The following PRUNE2 variants were observed in gnomAD, a reference collection of about 807,000 sequenced individuals.
The protein encoded by PRUNE2 is protein prune homolog 2.
Under a neutral mutation model 252.0 loss-of-function variants are expected in PRUNE2, and 164 were observed. The ratio of observed to expected loss-of-function variants is 0.65; its 90% CI spans 0.57 to 0.74. The LOEUF (loss-of-function observed/expected upper bound fraction) is 0.74. Ranked by LOEUF, PRUNE2 falls within the 30% of genes least tolerant of loss-of-function variation. PRUNE2 has a pLI of 0.00. For synonymous variants in PRUNE2, 1,292 were observed against 1,350.2 expected (o/e 0.96, Z 0.94); for missense variants, 3,495 against 3,711.0 (o/e 0.94, Z 1.51).
At position 76,898,469 on chromosome 9, in the gene PRUNE2, C is replaced by G. The variant is rs2062977566; in HGVS notation, c.36+7459G>C. ...CTATATTCTCCATTACTACAAAAAGCTAATTCTCAAATTTGAGTAGATGAA... is the reference window on the plus strand; with the variant it reads ...CTATATTCTCCATTACTACAAAAAGGTAATTCTCAAATTTGAGTAGATGAA... On this transcript the variant is annotated intron_variant, in intron 1 of 18. Transcript: ENST00000376718. Among the ~76,000 whole-genome samples the G allele has an allele frequency of 5.9e-5, 9 of 152,240 alleles. No homozygotes were observed. The South Asian group carries it at 1.9e-3, about 32-fold the overall frequency.
chr9:76,752,426 T>G (rs2050717725), intron 6 of PRUNE2, among the ~76,000 whole-genome samples: 1 of 152,134 alleles, frequency 6.6e-6, no homozygotes, highest in Admixed American at 6.5e-5. Context: ...GCCTTATACC[T>G]CACTCTTGCA....
intron 5 of PRUNE2, among the ~76,000 whole-genome samples, chr9:76,824,145 C>T (rs1429402510): frequency 1.3e-5 from 2 of 152,190 alleles, no homozygotes; most frequent in African/African-American, 4.8e-5. Flanking sequence ...TCTCATTCTT[C>T]TCCTCGCCTC....
chr9:76,701,432 G>C (rs532846219), intron 9 of PRUNE2, among the ~76,000 whole-genome samples: 1 of 152,308 alleles, frequency 6.6e-6, no homozygotes, highest in East Asian at 1.9e-4. Flanking sequence ...AAAGGTGCTG[G>C]TGGCACAATT....
At chr9:76,857,217 AC>A (rs1437697903) in intron 1 of PRUNE2, 2 of 430,052 alleles carry the variant, frequency 4.7e-6, no homozygotes, top group African/African-American at 2.1e-5. Context: ...TTCCCCCTCC[AC>A]CCCCATCCAT....
intron 5 of PRUNE2, among the ~76,000 whole-genome samples, chr9:76,825,050 T>C (rs7022561): frequency 0.36 from 54,219 of 151,820 alleles, 9,915 homozygotes; most frequent in African/African-American, 0.42. Context: ...CCCATCCCAG[T>C]GCACCCAGCA....
intron 6 of PRUNE2, chr9:76,783,693 A>G (rs1297225778): frequency 2.6e-5 from 4 of 152,200 alleles, no homozygotes; most frequent in African/African-American, 9.7e-5. Context: ...AAATGGTCGT[A>G]TGTATTTCCA....
intron 7 of PRUNE2, among the ~76,000 whole-genome samples, chr9:76,713,038 G>A (rs886774846): frequency 6.6e-6 from 1 of 151,982 alleles, no homozygotes; most frequent in Admixed American, 6.6e-5. Context: ...ACCTGGCTTG[G>A]TATATCCGAT....
At chr9:76,660,914 T>C (rs936202048) in intron 9 of PRUNE2, among the ~76,000 whole-genome samples, 4 of 151,634 alleles carry the variant, frequency 2.6e-5, no homozygotes, top group African/African-American at 9.7e-5. Context: ...GATGAGCTCA[T>C]ATAAAAAAAC....
At chr9:76,667,123 T>C (rs1307462249) in intron 9 of PRUNE2, among the ~76,000 whole-genome samples, 2 of 152,140 alleles carry the variant, frequency 1.3e-5, no homozygotes, top group Admixed American at 6.5e-5. Flanking sequence ...AATTTAGAAA[T>C]ATAGGTGATG....
intron 6 of PRUNE2, among the ~76,000 whole-genome samples, chr9:76,795,616 G>A (rs961106629): frequency 2.0e-5 from 3 of 152,112 alleles, no homozygotes; most frequent in African/African-American, 4.8e-5. Context: ...TCTTGTACAC[G>A]AGCCTAAAAG....
intron 4 of PRUNE2, among the ~76,000 whole-genome samples, chr9:76,840,343 A>G (rs1318819327): frequency 6.6e-6 from 1 of 152,188 alleles, no homozygotes. Flanking sequence ...GCCTTCTCCA[A>G]GAACCAAAGG....
chr9:76,760,547 T>C (rs893566056), intron 6 of PRUNE2, among the ~76,000 whole-genome samples: 1 of 152,160 alleles, frequency 6.6e-6, no homozygotes, highest in African/African-American at 2.4e-5. Flanking sequence ...CTGACATCTG[T>C]TTACCCTGCA....
In PRUNE2 at chr9:76,710,192, A is replaced by G; in HGVS notation, c.2082T>C (p.Ile694=). 1 of 1,613,924 alleles carries G rather than the reference A, an allele frequency of 6.2e-7. No homozygotes were observed. The change falls in exon 8 of 19, where the codon ATT becomes ATC. Residue 694 remains isoleucine (I), a synonymous_variant. Transcript: ENST00000376718. The stretch of plus-strand genomic sequence containing the variant: ...ATACAGAATCTGAGGCTCTCCTATC[A>G]ATGGAGCTTGGCTTATGCTCTTTCC... ...ESWKEHKPSS[I]DRRASDSVFQ... is the part of the protein sequence containing the mutation.
chr9:76,830,079 C>T lies in PRUNE2; in HGVS notation c.509-3347G>A, dbSNP rs962501441. On this transcript the variant is annotated intron_variant, in intron 4 of 18. Coordinates refer to ENST00000376718, the MANE Select transcript of PRUNE2 (RefSeq NM_015225.3). ...AACTGTCAATTTAATAACTTAATTTCGAACTCAAATGTTTTTACAGCAGAT... is the reference window on the plus strand; with the variant it reads ...AACTGTCAATTTAATAACTTAATTTTGAACTCAAATGTTTTTACAGCAGAT... 3.2e-4 allele frequency among the ~76,000 whole-genome samples: 49 copies of T among 152,146 alleles called. No homozygotes were observed. The Middle Eastern group carries it at 0.01, about 32-fold the overall frequency.
rs750521139 is a variant in PRUNE2 at position 76,711,292 on chromosome 9, C to A, written c.982G>T (p.Asp328Tyr). 5.0e-6 allele frequency: 8 copies of A among 1,613,888 alleles called. No individual in the cohort carries two copies. The highest frequency in any genetic ancestry group is 6.8e-6 in the Non-Finnish European group (8 of 1,179,868). Residue 328 changes from aspartate (D) to tyrosine (Y), a missense_variant, in exon 8 of 19, where the codon GAT becomes TAT. Physicochemically the swap from Asp to Tyr is radical, Grantham distance 160. Transcript: ENST00000376718. ...LELEPFDCGC[D>Y]EILVYQQEDP... ...TCTTGTTGGTACACCAGGATCTCAT[C>A]ACAGCCACAGTCAAAGGGCTCCAGT...
chr9:76,726,978 G>A (rs1162049870), intron 6 of PRUNE2, among the ~76,000 whole-genome samples: 2 of 152,172 alleles, frequency 1.3e-5, no homozygotes, highest in Non-Finnish European at 2.9e-5. Flanking sequence ...CTCTAAGCAA[G>A]CCAAATACAG....
At chr9:76,666,129 G>A (rs1428810503) in intron 9 of PRUNE2, among the ~76,000 whole-genome samples, 1 of 152,148 alleles carries the variant, frequency 6.6e-6, no homozygotes, top group African/African-American at 2.4e-5. Context: ...TGTTATGCCC[G>A]GACAGGGCCA....
At position 76,705,198 on chromosome 9, in the gene PRUNE2, TG is replaced by T; in HGVS notation, c.7075del (p.Gln2359ArgfsTer8). On this transcript the variant is annotated frameshift_variant, in exon 8 of 19. Transcript: ENST00000376718. LOFTEE classifies it high-confidence loss of function. ...WGDFEYDVMG[Q>X]NIDEDLLREP... ...TCTCAGTAAATCTTCATCGATATTC[TG>T]GCCCATTACATCATATTCAAAATCA... The T allele has an allele frequency of 6.2e-7, 1 of 1,614,050 alleles. No individual in the cohort carries two copies. The highest frequency in any genetic ancestry group is 8.5e-7 in the Non-Finnish European group (1 of 1,179,902).
Position 76,853,715 on chromosome 9 carries a change from G to A in PRUNE2, c.141+389C>T, listed in dbSNP as rs75408673. ...ACTGTTCACACAAGTTATTCTGCAC[G>A]TATTTTTCTGCTCCCAAGGGCAGGA... On this transcript the variant is annotated intron_variant, in intron 2 of 18. Transcript: ENST00000376718. Among the ~76,000 whole-genome samples the A allele has an allele frequency of 1.6e-4, 24 of 152,326 alleles. No individual in the cohort carries two copies. The East Asian group carries it at 3.7e-3, about 23-fold the overall frequency.
Sources: gnomAD v4.1 joint callset for allele counts (sites outside exome capture counted in the v4.1 genomes callset) on GRCh38, gnomAD v4.1.1 for gene constraint, MANE v1.5 for transcripts, NCBI Gene and HGNC (gene_info 2026-07-23, HGNC 2026-07-21) for gene names.